The following SBF2 variants were observed in gnomAD, a reference collection of about 807,000 sequenced individuals.
The protein encoded by SBF2 is myotubularin-related protein 13.
SBF2 carries 112 observed loss-of-function variants against 225.2 expected under a neutral mutation model. That is an observed-to-expected ratio of 0.50 (90% CI 0.43 to 0.58). The LOEUF (loss-of-function observed/expected upper bound fraction) is 0.58. SBF2 is among the 20% of genes least tolerant of loss of function. The probability of loss-of-function intolerance (pLI) is 0.00; values close to 1 mark genes in which losing one functional copy is unlikely to be tolerated. For synonymous variants in SBF2, 763 were observed against 773.3 expected (o/e 0.99, Z 0.22); for missense variants, 1,996 against 2,206.2 (o/e 0.90, Z 1.91).
At chr11:10,184,562 T>C (rs1047588345) in intron 2 of SBF2, among the ~76,000 whole-genome samples, 1 of 152,172 alleles carries the variant, frequency 6.6e-6, no homozygotes, top group Non-Finnish European at 1.5e-5. Context: ...ACTCCAAAAC[T>C]CTTTCCATCT....
At chr11:10,015,490 G>A (rs1948615133) in intron 6 of SBF2, among the ~76,000 whole-genome samples, 1 of 152,098 alleles carries the variant, frequency 6.6e-6, no homozygotes, top group South Asian at 2.1e-4. Flanking sequence ...TATCTTCAAA[G>A]TTGACTATGA....
intron 16 of SBF2, chr11:9,960,346 A>G (rs1866484125): frequency 1.3e-5 from 2 of 152,174 alleles, no homozygotes; most frequent in South Asian, 4.1e-4. Flanking sequence ...ATTCATATGG[A>G]TATTTCCTGT....
At chr11:10,189,089 C>T (rs1473693512) in intron 2 of SBF2, among the ~76,000 whole-genome samples, 5 of 152,164 alleles carry the variant, frequency 3.3e-5, no homozygotes, top group Admixed American at 3.3e-4. Flanking sequence ...CAGTATCTAC[C>T]ATACATACCT....
At chr11:10,237,625 A>T (rs909306026) in intron 1 of SBF2, among the ~76,000 whole-genome samples, 20 of 152,190 alleles carry the variant, frequency 1.3e-4, no homozygotes, top group African/African-American at 4.6e-4. Flanking sequence ...TGTCAAATAA[A>T]CTGCACATAT....
intron 1 of SBF2, among the ~76,000 whole-genome samples, chr11:10,225,173 A>G (rs138450038): frequency 1.0e-3 from 152 of 152,244 alleles, no homozygotes; most frequent in Non-Finnish European, 1.7e-3. Context: ...AGGATGAAAA[A>G]CAACTGAACT....
chr11:9,826,995 G>A (rs891310673), intron 28 of SBF2, among the ~76,000 whole-genome samples: 8 of 151,942 alleles, frequency 5.3e-5, no homozygotes, highest in Admixed American at 2.6e-4. Flanking sequence ...GCACCACCAC[G>A]CCTGGCTAAT....
At chr11:9,868,432 G>A (rs1168474847) in intron 17 of SBF2, among the ~76,000 whole-genome samples, 2 of 151,318 alleles carry the variant, frequency 1.3e-5, no homozygotes, top group South Asian at 2.1e-4. Flanking sequence ...GCAGGAGAAT[G>A]GCATGAACCC....
Position 9,922,774 on chromosome 11 carries a change from T to C in SBF2, c.1861-26763A>G, listed in dbSNP as rs146265903. ...TCTCTTTTCTCTATTTCCCCCTCTT[T>C]CCACTTCTTACTTAGCCCTTTAGAA... On this transcript the variant is annotated intron_variant, in intron 16 of 39. Coordinates refer to ENST00000256190, the MANE Select transcript of SBF2 (RefSeq NM_030962.4). Among the ~76,000 whole-genome samples the C allele has an allele frequency of 4.5e-3, 678 of 152,226 alleles. 6 individuals carry two copies. The highest frequency in any genetic ancestry group is 0.015 in the African/African-American group (615 of 41,528).
intron 2 of SBF2, among the ~76,000 whole-genome samples, chr11:10,050,394 G>T (rs994855967): frequency 6.6e-6 from 1 of 151,920 alleles, no homozygotes; most frequent in African/African-American, 2.4e-5. Flanking sequence ...GGATAATACC[G>T]AACCCTGTAT....
intron 32 of SBF2, among the ~76,000 whole-genome samples, chr11:9,803,342 G>T (rs945440577): frequency 6.6e-6 from 1 of 152,082 alleles, no homozygotes; most frequent in South Asian, 2.1e-4. Context: ...AGCATCTATT[G>T]TATTCTAAAG....
intron 1 of SBF2, among the ~76,000 whole-genome samples, chr11:10,232,964 A>T (rs1366477528): frequency 2.6e-5 from 4 of 152,210 alleles, no homozygotes; most frequent in Non-Finnish European, 5.9e-5. Context: ...CAGGAAAACC[A>T]AGAGTACAAA....
At chr11:9,938,726 A>G (rs1160404112) in intron 16 of SBF2, among the ~76,000 whole-genome samples, 1 of 152,186 alleles carries the variant, frequency 6.6e-6, no homozygotes, top group South Asian at 2.1e-4. Context: ...TATTTCTAAT[A>G]TACTGTATAG....
intron 2 of SBF2, among the ~76,000 whole-genome samples, chr11:10,126,823 T>C (rs943760217): frequency 7.9e-5 from 12 of 152,134 alleles, no homozygotes; most frequent in Admixed American, 3.9e-4. Flanking sequence ...CAAAATGTAC[T>C]ATAATCATAC....
At chr11:10,071,475 C>G (rs1372904326) in intron 2 of SBF2, among the ~76,000 whole-genome samples, 1 of 152,032 alleles carries the variant, frequency 6.6e-6, no homozygotes, top group Non-Finnish European at 1.5e-5. Flanking sequence ...ACCATGTTAG[C>G]CAGGATGGTC....
At chr11:10,184,153 G>T (rs1956841642) in intron 2 of SBF2, among the ~76,000 whole-genome samples, 1 of 152,008 alleles carries the variant, frequency 6.6e-6, no homozygotes, top group Non-Finnish European at 1.5e-5. Context: ...AAACAAAAAA[G>T]ATAACACATG....
intron 1 of SBF2, among the ~76,000 whole-genome samples, chr11:10,218,639 C>T (rs888185448): frequency 1.1e-4 from 16 of 152,130 alleles, no homozygotes; most frequent in Admixed American, 2.6e-4. Flanking sequence ...CCAGATACAA[C>T]GGAGGGTCTA....
chr11:10,284,979 T>C (rs187825127), intron 1 of SBF2, among the ~76,000 whole-genome samples: 200 of 151,966 alleles, frequency 1.3e-3, no homozygotes, highest in African/African-American at 4.6e-3. Context: ...ACTGCAAGTA[T>C]TGTTAATTGA....
At chr11:9,890,995 G>A (rs1213169065) in intron 17 of SBF2, among the ~76,000 whole-genome samples, 1 of 152,150 alleles carries the variant, frequency 6.6e-6, no homozygotes, top group African/African-American at 2.4e-5. Flanking sequence ...AATTAGCCGG[G>A]CGTGGTGGTG....
intron 6 of SBF2, among the ~76,000 whole-genome samples, chr11:10,026,501 C>A (rs949327631): frequency 6.6e-6 from 1 of 152,228 alleles, no homozygotes; most frequent in African/African-American, 2.4e-5. Flanking sequence ...GAGGCCAAAG[C>A]AGGAGGACTG....
Sources: gnomAD v4.1 joint callset for allele counts (sites outside exome capture counted in the v4.1 genomes callset) on GRCh38, gnomAD v4.1.1 for gene constraint, MANE v1.5 for transcripts, NCBI Gene and HGNC (gene_info 2026-07-23, HGNC 2026-07-21) for gene names.